TMT1A: variants seen among roughly 807,000 people sequenced by gnomAD.
TMT1A encodes the protein thiol S-methyltransferase TMT1A.
chr12:50,925,612 G>A, the TMT1A span: 1 of 1,464,536 alleles, frequency 6.8e-7, no homozygotes, highest in Non-Finnish European at 9.1e-7. Flanking sequence ...ATTTCAGGTG[G>A]CTGAAACATT....
At chr12:50,925,328 T>C in the TMT1A span, 3 of 1,614,230 alleles carry the variant, frequency 1.9e-6, no homozygotes, top group African/African-American at 1.3e-5. Flanking sequence ...GTGACCTGTA[T>C]TGACCCCAAC....
At chr12:50,925,880 A>C in the TMT1A span, among the ~76,000 whole-genome samples, 1 of 151,932 alleles carries the variant, frequency 6.6e-6, no homozygotes, top group Non-Finnish European at 1.5e-5. Context: ...CTCTATTAAA[A>C]ATACAAAAAT....
At chr12:50,925,485 T>G in the TMT1A span, 3 of 1,614,132 alleles carry the variant, frequency 1.9e-6, no homozygotes, top group Non-Finnish European at 2.5e-6. Flanking sequence ...TGCTGTGCTC[T>G]GTGAAGAACC....
the TMT1A span, among the ~76,000 whole-genome samples, chr12:50,928,032 C>T: frequency 6.6e-6 from 1 of 152,140 alleles, no homozygotes. Context: ...ACCATGTTGG[C>T]CGGGCTGGTG....
the TMT1A span, chr12:50,929,971 T>G: frequency 1.2e-6 from 2 of 1,614,188 alleles, no homozygotes; most frequent in South Asian, 2.2e-5. Context: ...TTGGAATTAC[T>G]TCTGGCAACA....
At chr12:50,929,367 G>T in the TMT1A span, among the ~76,000 whole-genome samples, 1 of 152,190 alleles carries the variant, frequency 6.6e-6, no homozygotes, top group South Asian at 2.1e-4. Flanking sequence ...TCTGCCTGAG[G>T]AGCCAAGACT....
chr12:50,930,058 GC>G, the TMT1A span: 13 of 1,614,104 alleles, frequency 8.1e-6, no homozygotes, highest in East Asian at 2.9e-4. Context: ...CCTGGAGCGG[GC>G]CAGCTTCTCT....
At chr12:50,925,487 T>A in the TMT1A span, 2 of 1,614,090 alleles carry the variant, frequency 1.2e-6, no homozygotes, top group Non-Finnish European at 8.5e-7. Flanking sequence ...CTGTGCTCTG[T>A]GAAGAACCAG....
At chr12:50,928,987 C>G in the TMT1A span, among the ~76,000 whole-genome samples, 1 of 152,014 alleles carries the variant, frequency 6.6e-6, no homozygotes, top group African/African-American at 2.4e-5. Flanking sequence ...CCTGTAATCC[C>G]AGCACTTTGG....
the TMT1A span, chr12:50,930,261 T>G: frequency 1.1e-6 from 1 of 898,968 alleles, no homozygotes; most frequent in Non-Finnish European, 1.6e-6. Flanking sequence ...GCGGTTTTTT[T>G]GGTTTGTTGT....
the TMT1A span, chr12:50,932,051 T>C: frequency 6.6e-6 from 1 of 152,198 alleles, no homozygotes; most frequent in Non-Finnish European, 1.5e-5. Context: ...AAGATAAAGA[T>C]TGTACTTGAC....
At chr12:50,927,952 G>A in the TMT1A span, among the ~76,000 whole-genome samples, 6 of 152,102 alleles carry the variant, frequency 3.9e-5, no homozygotes, top group African/African-American at 1.4e-4. Flanking sequence ...AGCCTCCCGA[G>A]TAGCTGGGTT....
the TMT1A span, chr12:50,930,273 G>T: frequency 3.1e-5 from 21 of 688,358 alleles, no homozygotes; most frequent in South Asian, 8.1e-5. Flanking sequence ...GTTTGTTGTT[G>T]GTTTTTTTTT....
At chr12:50,925,219 A>G in the TMT1A span, 1 of 1,614,208 alleles carries the variant, frequency 6.2e-7, no homozygotes. Flanking sequence ...GCTCTTCAGT[A>G]ACCTGCAGGA....
chr12:50,929,981 A>T, the TMT1A span: 2 of 1,614,128 alleles, frequency 1.2e-6, no homozygotes, highest in Non-Finnish European at 1.7e-6. Context: ...TTCTGGCAAC[A>T]AGTCCTGGAT....
chr12:50,929,434 ACTGT>A, the TMT1A span, among the ~76,000 whole-genome samples: 1 of 152,208 alleles, frequency 6.6e-6, no homozygotes, highest in Non-Finnish European at 1.5e-5. Flanking sequence ...TTGTGAGGTG[ACTGT>A]CTGGTCCCTT....
chr12:50,926,016 CAAA>C, the TMT1A span, among the ~76,000 whole-genome samples: 5 of 26,062 alleles, frequency 1.9e-4, no homozygotes, highest in South Asian at 2.0e-3. Context: ...AACTCCATCT[CAAA>C]AAAAAAAAAA....
chr12:50,925,348 G>C, the TMT1A span: 1 of 1,614,212 alleles, frequency 6.2e-7, no homozygotes, highest in Non-Finnish European at 8.5e-7. Context: ...CCCCAACTTT[G>C]AGAAGTTTTT....
chr12:50,929,876 A>G, the TMT1A span: 1 of 1,547,610 alleles, frequency 6.5e-7, no homozygotes, highest in African/African-American at 1.4e-5. Context: ...AGAAATGAAA[A>G]AATCCTTGAA....
Sources: gnomAD v4.1 joint callset for allele counts (sites outside exome capture counted in the v4.1 genomes callset) on GRCh38, gnomAD v4.1.1 for gene constraint, MANE v1.5 for transcripts, NCBI Gene and HGNC (gene_info 2026-07-23, HGNC 2026-07-21) for gene names.